Variants in CERS3 observed in about 807,000 individuals in gnomAD.
CERS3 encodes ceramide synthase 3, also known as LAG1 homolog, ceramide synthase 3.
Under a neutral mutation model 50.3 loss-of-function variants are expected in CERS3, and 33 were observed. That is an observed-to-expected ratio of 0.66 (90% CI 0.50 to 0.88). The LOEUF is 0.88. CERS3 is among the 40% of genes least tolerant of loss of function. The pLI is 0.00. For missense variants in CERS3, 470 were observed against 460.3 expected (o/e 1.02, Z -0.19); for synonymous variants, 176 against 155.2 (o/e 1.13, Z -0.99).
At chr15:100,416,650 A>T (rs2031932156) in intron 11 of CERS3, among the ~76,000 whole-genome samples, 1 of 152,204 alleles carries the variant, frequency 6.6e-6, no homozygotes, top group Admixed American at 6.5e-5. Context: ...ATAAAGGAGG[A>T]AGAGCCCCTT....
At chr15:100,499,046 C>T (rs1402953513) in intron 3 of CERS3, among the ~76,000 whole-genome samples, 1 of 152,186 alleles carries the variant, frequency 6.6e-6, no homozygotes, top group African/African-American at 2.4e-5. Context: ...ACTCCAGCTA[C>T]CCTACCCTTC....
intron 11 of CERS3, among the ~76,000 whole-genome samples, chr15:100,438,367 T>G (rs2033526817): frequency 6.6e-6 from 1 of 152,050 alleles, no homozygotes; most frequent in Non-Finnish European, 1.5e-5. Context: ...TTATTTTTAT[T>G]TTTTGAAATT....
intron 3 of CERS3, among the ~76,000 whole-genome samples, chr15:100,491,717 A>T (rs1249580354): frequency 1.3e-5 from 2 of 152,156 alleles, no homozygotes; most frequent in Non-Finnish European, 2.9e-5. Flanking sequence ...GTTTCCCTTC[A>T]AACACTGCTA....
chr15:100,483,788 T>TTA (rs1555530335), intron 5 of CERS3, among the ~76,000 whole-genome samples: 19 of 35,936 alleles, frequency 5.3e-4, no homozygotes, highest in African/African-American at 1.5e-3. Context: ...ATTATTATTA[T>TTA]TTTTTTTTTT....
intron 4 of CERS3, among the ~76,000 whole-genome samples, chr15:100,487,169 A>C (rs1346299001): frequency 6.6e-6 from 1 of 152,250 alleles, no homozygotes; most frequent in Non-Finnish European, 1.5e-5. Flanking sequence ...AAATAGTGCA[A>C]GATGTCATGG....
intron 8 of CERS3, chr15:100,475,795 T>A (rs931516002): frequency 2.9e-5 from 5 of 173,816 alleles, no homozygotes; most frequent in African/African-American, 1.2e-4. Context: ...TTCTTTGCAC[T>A]GATGGACATT....
At chr15:100,456,176 A>G in intron 10 of CERS3, 130 bp from the exon 11 acceptor site, 1 of 555,160 alleles carries the variant, frequency 1.8e-6, no homozygotes, top group Non-Finnish European at 2.9e-6. Context: ...GAAAATTATC[A>G]AAAGAAAAGA....
chr15:100,486,962 G>A (rs1049513812), intron 4 of CERS3, among the ~76,000 whole-genome samples: 42 of 152,052 alleles, frequency 2.8e-4, no homozygotes, highest in Non-Finnish European at 5.6e-4. Context: ...GACAGTAACT[G>A]TTTATGAGTC....
intron 11 of CERS3, among the ~76,000 whole-genome samples, chr15:100,446,270 GT>G (rs59232599): frequency 3.4e-4 from 48 of 141,084 alleles, no homozygotes; most frequent in East Asian, 4.4e-4. Context: ...TTCAATGAAA[GT>G]TTTTTTTTTT....
intron 11 of CERS3, among the ~76,000 whole-genome samples, chr15:100,429,594 C>T (rs988786692): frequency 6.6e-6 from 1 of 152,116 alleles, no homozygotes; most frequent in African/African-American, 2.4e-5. Flanking sequence ...CAAGTTCTAC[C>T]CCTTTGTACC....
At chr15:100,432,482 G>A (rs947750919) in intron 11 of CERS3, among the ~76,000 whole-genome samples, 3 of 152,156 alleles carry the variant, frequency 2.0e-5, no homozygotes, top group Admixed American at 1.3e-4. Context: ...TCAATTTCAA[G>A]CTCAGTATGA....
chr15:100,407,865 T>G (rs2031174515), intron 11 of CERS3, among the ~76,000 whole-genome samples: 1 of 152,178 alleles, frequency 6.6e-6, no homozygotes, highest in Non-Finnish European at 1.5e-5. Context: ...ATTTATTTAT[T>G]TTTAAAAATT....
At chr15:100,440,379 T>C (rs1166269644) in intron 11 of CERS3, among the ~76,000 whole-genome samples, 5 of 152,202 alleles carry the variant, frequency 3.3e-5, no homozygotes, top group African/African-American at 1.2e-4. Flanking sequence ...TCCTGGCTCA[T>C]TCTGGCTCAA....
intron 1 of CERS3, among the ~76,000 whole-genome samples, chr15:100,537,015 A>G (rs1163099736): frequency 1.3e-5 from 2 of 152,238 alleles, no homozygotes; most frequent in Admixed American, 6.5e-5. Flanking sequence ...CCCTGATCTT[A>G]AGGAGATTAT....
chr15:100,459,722 T>C (rs1164254048), intron 10 of CERS3, among the ~76,000 whole-genome samples: 1 of 152,210 alleles, frequency 6.6e-6, no homozygotes, highest in African/African-American at 2.4e-5. Context: ...CTATACCAAT[T>C]TATATTCTTG....
intron 11 of CERS3, among the ~76,000 whole-genome samples, chr15:100,432,770 C>A (rs368058163): frequency 6.6e-5 from 10 of 151,958 alleles, no homozygotes; most frequent in Non-Finnish European, 5.9e-5. Flanking sequence ...CACGTACGTT[C>A]GAAAGAATTG....
chr15:100,519,688 C>T (rs1242612874), intron 2 of CERS3, among the ~76,000 whole-genome samples: 3 of 152,200 alleles, frequency 2.0e-5, no homozygotes, highest in African/African-American at 7.2e-5. Context: ...GGGAATGTTA[C>T]TCATCTGCCA....
intron 3 of CERS3, among the ~76,000 whole-genome samples, chr15:100,498,235 G>T (rs1289020718): frequency 2.6e-5 from 4 of 152,150 alleles, no homozygotes; most frequent in Non-Finnish European, 5.9e-5. Flanking sequence ...AGATATAAAT[G>T]TAGTTGTCTA....
At chr15:100,436,218 A>G (rs1287660949) in intron 11 of CERS3, among the ~76,000 whole-genome samples, 7 of 152,228 alleles carry the variant, frequency 4.6e-5, no homozygotes, top group Non-Finnish European at 8.8e-5. Flanking sequence ...ACTTGGAACC[A>G]ACCCAAATGT....
Sources: allele counts gnomAD v4.1 joint callset (sites outside exome capture counted in the v4.1 genomes callset), GRCh38; gene constraint gnomAD v4.1.1; transcripts MANE v1.5; gene names NCBI Gene and HGNC (gene_info 2026-07-23, HGNC 2026-07-21).